Variants in RNASEH2B observed in about 807,000 individuals in gnomAD.
The protein encoded by RNASEH2B is ribonuclease H2 subunit B.
A neutral mutation model predicts 45.0 loss-of-function variants in RNASEH2B; 36 were observed. The observed-to-expected ratio is 0.80, with a 90% CI of 0.61 to 1.06. The LOEUF is 1.06. RNASEH2B is among the 50% of genes least tolerant of loss of function. The pLI is 0.00. For missense variants in RNASEH2B, 361 were observed against 360.3 expected (o/e 1.00, Z -0.02); for synonymous variants, 119 against 125.7 (o/e 0.95, Z 0.35).
At chr13:50,965,401 A>T (rs920575804) in intron 9 of RNASEH2B, among the ~76,000 whole-genome samples, 2 of 152,230 alleles carry the variant, frequency 1.3e-5, no homozygotes, top group African/African-American at 4.8e-5. Flanking sequence ...CACTTTTCCC[A>T]TAACATATCC....
intron 9 of RNASEH2B, chr13:50,952,904 T>G (rs1951994927): frequency 1.3e-5 from 2 of 152,200 alleles, no homozygotes; most frequent in Admixed American, 1.3e-4. Flanking sequence ...ACATGGTGTT[T>G]TATCCTCTTG....
Position 50,910,107 on chromosome 13 carries a change from G to T in RNASEH2B, c.31G>T (p.Val11Phe), listed in dbSNP as rs1289004123. 1.4e-6 allele frequency: 2 copies of T among 1,461,474 alleles called. No individual in the cohort carries two copies. Among genetic ancestry groups the T allele is most frequent in the South Asian group, 1.4e-5 (1 of 74,002 alleles). 90.5% of individuals were successfully genotyped at this position (1,461,474 alleles called of 1,614,324 possible). A position where few individuals can be genotyped will look rare whatever the true frequency, so the allele number is the denominator to read the frequency against. MAAGVDCGDG[V>F]GARQHVFLVS... ...CGCTGGCGTGGACTGCGGGGACGGG[G>T]TTGGCGCCCGGCAGCACGTGTTCCT... is the stretch of plus-strand genomic sequence containing the variant. The change falls in exon 1 of 11, where the codon GTT (valine) becomes TTT (phenylalanine). Residue 11 changes from valine to phenylalanine, a missense_variant. By Grantham distance (50) the Val-to-Phe change is conservative (BLOSUM62 -1). Coordinates refer to ENST00000336617, the MANE Select transcript of RNASEH2B (RefSeq NM_024570.4).
At chr13:50,929,334 C>G in intron 2 of RNASEH2B, 141 bp from the exon 3 acceptor site, 1 of 664,006 alleles carries the variant, frequency 1.5e-6, no homozygotes, top group South Asian at 1.7e-5. Context: ...TCCTTGGAAT[C>G]AGTTTTTTAG....
At chr13:50,961,987 A>G (rs1952116617) in intron 9 of RNASEH2B, among the ~76,000 whole-genome samples, 1 of 152,206 alleles carries the variant, frequency 6.6e-6, no homozygotes, top group Non-Finnish European at 1.5e-5. Context: ...AATGTCTTTT[A>G]ATATATGAAT....
intron 1 of RNASEH2B, among the ~76,000 whole-genome samples, chr13:50,921,693 G>A (rs1951525974): frequency 6.6e-6 from 1 of 152,202 alleles, no homozygotes; most frequent in Non-Finnish European, 1.5e-5. Flanking sequence ...TCAAAGTTCA[G>A]TGAGGGTAAA....
At chr13:50,919,617 A>G (rs1951490984) in intron 1 of RNASEH2B, among the ~76,000 whole-genome samples, 1 of 152,342 alleles carries the variant, frequency 6.6e-6, no homozygotes, top group South Asian at 2.1e-4. Flanking sequence ...TAGTCATGTC[A>G]GAATCATTGT....
At chr13:50,970,154 C>G in exon 10 of RNASEH2B, 1 of 659,672 alleles carries the variant, frequency 1.5e-6, no homozygotes. Flanking sequence ...CGGCATTCCT[C>G]CCTGGAGCAC....
chr13:50,917,542 A>G lies in RNASEH2B; in HGVS notation c.64+7402A>G, dbSNP rs531821535. On this transcript the variant is annotated intron_variant, in intron 1 of 10. Coordinates refer to ENST00000336617, the MANE Select transcript of RNASEH2B (RefSeq NM_024570.4). ...TGTTATAACTTTGCAAAACACTTTC[A>G]TATAATTGTATTTGACCCTCTTGAT... is the stretch of plus-strand genomic sequence containing the variant. 5.3e-5 allele frequency among the ~76,000 whole-genome samples: 8 copies of G among 152,338 alleles called. No individual in the cohort carries two copies. In the South Asian group the frequency reaches 1.7e-3, roughly 32 times the overall value.
downstream of RNASEH2B, among the ~76,000 whole-genome samples, chr13:50,957,087 A>G (rs1353300627): frequency 1.3e-5 from 2 of 149,866 alleles, no homozygotes; most frequent in African/African-American, 4.9e-5. Context: ...TTACTTTGTA[A>G]CCTTTTTTTT....
At chr13:50,964,271 G>GT (rs1237843495) in intron 9 of RNASEH2B, among the ~76,000 whole-genome samples, 2 of 152,094 alleles carry the variant, frequency 1.3e-5, no homozygotes, top group Non-Finnish European at 2.9e-5. Flanking sequence ...GTAGTAGCCA[G>GT]TTTTTTTATA....
At chr13:50,918,836 A>G (rs1175320986) in intron 1 of RNASEH2B, among the ~76,000 whole-genome samples, 1 of 152,218 alleles carries the variant, frequency 6.6e-6, no homozygotes, top group East Asian at 1.9e-4. Context: ...CTGAAGTCTA[A>G]AGAAAATGAA....
intron 9 of RNASEH2B, among the ~76,000 whole-genome samples, chr13:50,968,783 C>G (rs1837496679): frequency 2.0e-5 from 3 of 152,146 alleles, no homozygotes; most frequent in Admixed American, 1.3e-4. Context: ...ATCTTTAATT[C>G]AGCTGTCAGT....
At chr13:50,947,375 A>T (rs925398490) in intron 7 of RNASEH2B, among the ~76,000 whole-genome samples, 1 of 133,062 alleles carries the variant, frequency 7.5e-6, no homozygotes, top group Non-Finnish European at 1.6e-5. Flanking sequence ...TAAGTATTTT[A>T]TTAGTTTGGG....
At chr13:50,940,162 G>A (rs1566084882) in intron 5 of RNASEH2B, among the ~76,000 whole-genome samples, 1 of 152,160 alleles carries the variant, frequency 6.6e-6, no homozygotes, top group Non-Finnish European at 1.5e-5. Flanking sequence ...GACACAAAAA[G>A]TATATACTAT....
chr13:50,915,237 C>T (rs551070449), intron 1 of RNASEH2B: 1 of 394,812 alleles, frequency 2.5e-6, no homozygotes, highest in Non-Finnish European at 4.5e-6. Flanking sequence ...CTTTTTCCTC[C>T]CCTTCTACTT....
chr13:50,966,467 A>C (rs971925166), intron 9 of RNASEH2B, among the ~76,000 whole-genome samples: 2 of 151,784 alleles, frequency 1.3e-5, no homozygotes, highest in Non-Finnish European at 2.9e-5. Flanking sequence ...CTGCAAAACC[A>C]CTTGGGTACA....
chr13:50,949,437 T>G (rs1187926753), intron 8 of RNASEH2B, 26 bp from the exon 9 acceptor site: 1 of 1,610,670 alleles, frequency 6.2e-7, no homozygotes, highest in Non-Finnish European at 8.5e-7. Context: ...AACGATGACT[T>G]TGATTGTTAT....
intron 1 of RNASEH2B, among the ~76,000 whole-genome samples, chr13:50,918,774 C>G (rs1951480828): frequency 6.6e-6 from 1 of 152,146 alleles, no homozygotes; most frequent in Non-Finnish European, 1.5e-5. Context: ...GGCAAACAGG[C>G]AGGAGGGTGC....
intron 7 of RNASEH2B, among the ~76,000 whole-genome samples, chr13:50,945,807 G>A (rs1297470034): frequency 6.6e-6 from 1 of 152,020 alleles, no homozygotes; most frequent in Non-Finnish European, 1.5e-5. Flanking sequence ...ATTTATTGAG[G>A]GTGTATTGTG....
Sources: gnomAD v4.1 joint callset for allele counts (sites outside exome capture counted in the v4.1 genomes callset) on GRCh38, gnomAD v4.1.1 for gene constraint, MANE v1.5 for transcripts, NCBI Gene and HGNC (gene_info 2026-07-23, HGNC 2026-07-21) for gene names.